The following CPSF4 variants were observed in gnomAD, a reference collection of about 807,000 sequenced individuals.
CPSF4 encodes cleavage and polyadenylation specific factor 4, also known as cleavage and polyadenylation specificity factor subunit 4.
CPSF4 carries 11 observed loss-of-function variants against 37.7 expected under a neutral mutation model. That is an observed-to-expected ratio of 0.29 (90% confidence interval 0.18 to 0.48). The LOEUF (loss-of-function observed/expected upper bound fraction) is 0.48, where lower values mean the gene tolerates loss of function less well. Ranked by LOEUF, CPSF4 falls within the 20% of genes least tolerant of loss-of-function variation. CPSF4 has a pLI of 0.99. For missense variants in CPSF4, 144 were observed against 359.5 expected, an observed-to-expected ratio of 0.40 and a Z score of 4.85; for synonymous variants, 132 against 135.9, an observed-to-expected ratio of 0.97 and a Z score of 0.20.
chr7:99,452,436 C>T lies in CPSF4; in HGVS notation c.566C>T (p.Ala189Val). 6.2e-7 allele frequency: 1 copy of T among 1,613,770 alleles called. No individual in the cohort carries two copies. ...PPLPQQTQPPAKQSNNPPLQR... is the reference protein window; with the variant it reads ...PPLPQQTQPPVKQSNNPPLQR... ...CTGCCGCAGCAGACACAGCCTCCAG[C>T]AAAGGTACCGTGCCTGGCCTTCCTC... Residue 189 changes from alanine (A) to valine (V), a missense_variant, in exon 6 of 8, where the codon GCA becomes GTA. Physicochemically the swap from Ala to Val is moderately conservative, Grantham distance 64. Around this residue, in one of 4 missense-constraint regions of CPSF4, gnomAD observed 86 missense variants for 141.5 expected, o/e 0.61. Transcript: ENST00000292476.
intron 1 of CPSF4, among the ~76,000 whole-genome samples, chr7:99,443,947 G>A (rs1291630511): frequency 2.0e-5 from 3 of 152,000 alleles, no homozygotes; most frequent in Non-Finnish European, 4.4e-5. Context: ...AATTGTGTAC[G>A]GATGTTGCAT....
chr7:99,450,519 G>A lies in CPSF4; in HGVS notation c.403+148G>A, dbSNP rs949845232. ...CTTTCTCACACTCCTCATCTCCCTT[G>A]CCTCTCCCAAGAATGCTGGGTGGGT... On this transcript the variant is annotated intron_variant, in intron 4 of 7. Transcript: ENST00000292476. The A allele has an allele frequency of 4.0e-6, 3 of 744,060 alleles. No individual in the cohort carries two copies. In the East Asian group the frequency reaches 8.0e-5, roughly 20 times the overall value. The allele number at this position is 744,060 out of a possible 1,614,324, so 46.1% of individuals were successfully genotyped here.
chr7:99,452,616 A>T, intron 6 of CPSF4, 176 bp downstream of exon 6: 1 of 602,670 alleles, frequency 1.7e-6, no homozygotes, highest in Non-Finnish European at 3.0e-6. Flanking sequence ...CTCCCTCGAG[A>T]GACGGAGGGC....
At position 99,453,851 on chromosome 7, in the gene CPSF4, AG is replaced by A. The variant is rs1197283388; in HGVS notation, c.571-114del. ...CTGTCCTGAGGTGGGCCGTCGTGGA[AG>A]CCCTGCTTCCTGCCGTTTGCGGGAC... On this transcript the variant is annotated intron_variant, in intron 6 of 7. Transcript: ENST00000292476. This position sits in a 1 kb window ranked among gnomAD's most constrained non-coding sequence, Gnocchi z 4.7. The A allele has an allele frequency of 1.0e-6, 1 of 953,998 alleles. No individual in the cohort carries two copies. Among genetic ancestry groups the A allele is most frequent in the Admixed American group, 2.2e-5 (1 of 46,090 alleles). 59.1% of individuals were successfully genotyped at this position (953,998 alleles called of 1,614,324 possible).
At chr7:99,452,098 C>T (rs184746282) in intron 5 of CPSF4, among the ~76,000 whole-genome samples, 10 of 152,276 alleles carry the variant, frequency 6.6e-5, no homozygotes, top group African/African-American at 1.9e-4. Context: ...GAAGCACTGG[C>T]CATGAGTCTC....
At chr7:99,444,448 A>T (rs1797307286) in intron 1 of CPSF4, among the ~76,000 whole-genome samples, 1 of 150,468 alleles carries the variant, frequency 6.6e-6, no homozygotes, top group Non-Finnish European at 1.5e-5. Flanking sequence ...CTAGAGCGAA[A>T]CCCCATCTCA....
intron 6 of CPSF4, 29 bp downstream of exon 6, chr7:99,452,469 AG>A: frequency 6.3e-7 from 1 of 1,598,566 alleles, no homozygotes; most frequent in Non-Finnish European, 8.6e-7. Context: ...CTCGGTAGGA[AG>A]GAAGTGCCTT....
intron 7 of CPSF4, among the ~76,000 whole-genome samples, chr7:99,455,497 G>A (rs182813273): frequency 4.6e-5 from 7 of 152,262 alleles, no homozygotes; most frequent in East Asian, 1.9e-4. Context: ...TCAGGAGTTC[G>A]AGACCATCCT....
Position 99,456,569 on chromosome 7 carries a change from T to C in CPSF4, c.*69T>C, listed in dbSNP as rs145664250. ...TGGGAGTGTGCATTTAACTGTTTCA[T>C]GCGCTTGTTGGCGCGACTGTGGCTC... On this transcript the variant is annotated 3_prime_UTR_variant, in exon 8 of 8. Transcript: ENST00000292476. 1.1e-5 allele frequency: 15 copies of C among 1,368,858 alleles called. No homozygotes were observed. The African/African-American group carries it at 2.0e-4, about 18-fold the overall frequency. The allele number at this position is 1,368,858 out of a possible 1,614,324, so 84.8% of individuals were successfully genotyped here. A position where few individuals can be genotyped will look rare whatever the true frequency, so the allele number is the denominator to read the frequency against.
chr7:99,441,690 AT>A (rs34022779), intron 1 of CPSF4, among the ~76,000 whole-genome samples: 7 of 150,674 alleles, frequency 4.6e-5, no homozygotes, highest in South Asian at 4.2e-4. Context: ...TACTTTCAGA[AT>A]TTTTTTTTTC....
chr7:99,443,497 C>G, intron 1 of CPSF4: 2 of 787,112 alleles, frequency 2.5e-6, no homozygotes, highest in Admixed American at 3.5e-5. Context: ...CAGTTACCAT[C>G]TTGTTACCCC....
intron 1 of CPSF4, 95 bp from the exon 2 acceptor site, chr7:99,444,694 T>C: frequency 8.3e-7 from 1 of 1,202,642 alleles, no homozygotes; most frequent in Non-Finnish European, 1.2e-6. Context: ...CCTTGGTGGG[T>C]CAGAGGTCAG....
rs1796638571 is a variant in CPSF4, at chr7:99,439,169, C to G, written c.87C>G (p.Pro29=). 6.2e-7 allele frequency: 1 copy of G among 1,607,554 alleles called. No individual in the cohort carries two copies. The highest frequency in any genetic ancestry group is 1.3e-5 in the African/African-American group (1 of 74,798). Residue 29 remains proline (P), a synonymous_variant, in exon 1 of 8, where the codon CCC becomes CCG. Coordinates refer to ENST00000292476, the MANE Select transcript of CPSF4 (RefSeq NM_006693.4). ...VEQQLGAQPL[P]FPGMDKSGAA... Reference sequence around the variant, plus strand: ...AGCAGCTGGGGGCGCAGCCGCTGCCCTTCCCCGGCATGGACAGTGAGCGCG... The same window carrying G: ...AGCAGCTGGGGGCGCAGCCGCTGCCGTTCCCCGGCATGGACAGTGAGCGCG...
rs567824744 is a variant in CPSF4, at chr7:99,439,204, C to G, written c.103+19C>G. 4 of 1,540,210 alleles carry G rather than the reference C, an allele frequency of 2.6e-6. No individual in the cohort carries two copies. Among genetic ancestry groups the G allele is most frequent in the East Asian group, 2.4e-5 (1 of 41,202 alleles). The stretch of plus-strand genomic sequence containing the variant: ...ATGGACAGTGAGCGCGGGGCCCGGG[C>G]GGGAGGGCAAGAGCGACTCGAACCC... On this transcript the variant is annotated intron_variant, in intron 1 of 7. Transcript: ENST00000292476.
chr7:99,456,502 A>T lies in CPSF4; in HGVS notation c.*2A>T, dbSNP rs1162639046. On this transcript the variant is annotated 3_prime_UTR_variant, in exon 8 of 8. Transcript: ENST00000292476. ...TTGGCCTTTCTCAGTGGACAGTGACAGCAGCTGGAGCCAGCTCCGAGCAGC... is the reference window on the plus strand; with the variant it reads ...TTGGCCTTTCTCAGTGGACAGTGACTGCAGCTGGAGCCAGCTCCGAGCAGC... 1 of 1,614,034 alleles carries T rather than the reference A, an allele frequency of 6.2e-7. No homozygotes were observed. Among genetic ancestry groups the T allele is most frequent in the Non-Finnish European group, 8.5e-7 (1 of 1,179,932 alleles).
intron 2 of CPSF4, among the ~76,000 whole-genome samples, chr7:99,446,774 T>C (rs1042077520): frequency 1.1e-5 from 1 of 92,224 alleles, no homozygotes; most frequent in Admixed American, 1.0e-4. Context: ...TACCCAGCTT[T>C]TTTTTTTTTT....
rs771030244 is a variant in CPSF4 at position 99,456,539 on chromosome 7, G to C, written c.*39G>C. On this transcript the variant is annotated 3_prime_UTR_variant, in exon 8 of 8. Coordinates refer to ENST00000292476, the MANE Select transcript of CPSF4 (RefSeq NM_006693.4). ...CAGCTCCGAGCAGCCCGGGGGCCCC[G>C]CTGTTGGGAGTGTGCATTTAACTGT... 12 of 1,558,396 alleles carry C rather than the reference G, an allele frequency of 7.7e-6. No homozygotes were observed. In the Admixed American group the frequency reaches 1.8e-4, roughly 24 times the overall value.
intron 2 of CPSF4, among the ~76,000 whole-genome samples, chr7:99,445,243 C>A (rs1314904457): frequency 6.6e-6 from 1 of 152,122 alleles, no homozygotes; most frequent in African/African-American, 2.4e-5. Flanking sequence ...CATCGAAACA[C>A]CCCATGATAA....
intron 4 of CPSF4, 157 bp from the exon 5 acceptor site, chr7:99,450,545 G>T: frequency 1.3e-6 from 1 of 758,980 alleles, no homozygotes. Context: ...CTGGGTGGGT[G>T]GTGGTCCACC....
Sources: gnomAD v4.1 joint callset for allele counts (sites outside exome capture counted in the v4.1 genomes callset) on GRCh38, gnomAD v4.1.1 for gene constraint, gnomAD v4.1.1 regional missense constraint, Gnocchi (gnomAD v3.1) non-coding constraint, MANE v1.5 for transcripts, NCBI Gene and HGNC (gene_info 2026-07-23, HGNC 2026-07-21) for gene names.